Variants in MAP4 observed in about 807,000 individuals in gnomAD.
MAP4 encodes microtubule associated protein 4.
A neutral mutation model predicts 170.2 loss-of-function variants in MAP4; 76 were observed. The observed-to-expected ratio is 0.45, with a 90% CI of 0.37 to 0.54. The LOEUF is 0.54. MAP4 is among the 20% of genes least tolerant of loss of function. The pLI is 0.00. For synonymous variants in MAP4, 909 were observed against 994.5 expected (o/e 0.91, Z 1.62); for missense variants, 2,506 against 2,748.0 (o/e 0.91, Z 1.97).
intron 4 of MAP4, among the ~76,000 whole-genome samples, chr3:47,923,181 G>C (rs1053834508): frequency 6.6e-6 from 1 of 151,906 alleles, no homozygotes; most frequent in Non-Finnish European, 1.5e-5. Flanking sequence ...GCTGGTTCCT[G>C]AGAATCTGCA....
At chr3:47,980,539 T>C (rs2100084881) in intron 2 of MAP4, among the ~76,000 whole-genome samples, 1 of 152,148 alleles carries the variant, frequency 6.6e-6, no homozygotes. Flanking sequence ...TTCATTCTGT[T>C]ACTTAAGAGG....
At chr3:47,899,361 A>G (rs1553772118) in intron 10 of MAP4, among the ~76,000 whole-genome samples, 1 of 152,128 alleles carries the variant, frequency 6.6e-6, no homozygotes, top group Non-Finnish European at 1.5e-5. Context: ...GCTAATCTGG[A>G]ACTCCTAACC....
Position 48,082,964 on chromosome 3 carries a change from C to A in MAP4, c.-20+5809G>T, listed in dbSNP as rs185827071. The stretch of plus-strand genomic sequence containing the variant: ...AGCACCAGAAAACCCAAAATGAGAA[C>A]CATTCTACAAATGCATGACCACTCA... On this transcript the variant is annotated intron_variant, in intron 1 of 18. Transcript: ENST00000360240. 2.4e-3 allele frequency among the ~76,000 whole-genome samples: 368 copies of A among 152,138 alleles called. 2 individuals are homozygous for A. Among genetic ancestry groups the A allele is most frequent in the Middle Eastern group, 6.8e-3 (2 of 294 alleles).
intron 1 of MAP4, among the ~76,000 whole-genome samples, chr3:48,071,359 T>TA (rs964354328): frequency 4.0e-5 from 6 of 151,208 alleles, no homozygotes; most frequent in African/African-American, 1.2e-4. Context: ...CTGGGCAACA[T>TA]AGTGAAACCC....
Position 47,852,856 on chromosome 3 carries a change from T to C in MAP4, c.*78A>G, listed in dbSNP as rs750615626. The C allele has an allele frequency of 5.4e-5, 84 of 1,563,104 alleles. No homozygotes were observed. Among genetic ancestry groups the C allele is most frequent in the Non-Finnish European group, 6.9e-5 (80 of 1,153,936 alleles). On this transcript the variant is annotated 3_prime_UTR_variant, in exon 21 of 21. Transcript: ENST00000683076. ...GCCCGAGTTGGGGCCGCCAGGGAAG[T>C]GTGGGGGGCGGGAGACAATGTCGGC...
chr3:47,968,480 C>T (rs1256939129), intron 3 of MAP4, among the ~76,000 whole-genome samples: 1 of 152,098 alleles, frequency 6.6e-6, no homozygotes, highest in African/African-American at 2.4e-5. Context: ...TTAACACACT[C>T]CTAAATAATC....
At chr3:47,864,222 A>G (rs542848499) in intron 17 of MAP4, among the ~76,000 whole-genome samples, 1 of 152,210 alleles carries the variant, frequency 6.6e-6, no homozygotes, top group Non-Finnish European at 1.5e-5. Flanking sequence ...TCCCAGGGCC[A>G]CTGTACCTGG....
chr3:47,948,487 G>T (rs539972654), intron 3 of MAP4, among the ~76,000 whole-genome samples: 2 of 151,566 alleles, frequency 1.3e-5, no homozygotes, highest in East Asian at 3.9e-4. Context: ...GCCTCCCAAA[G>T]TCTTGGGATT....
In MAP4 at chr3:47,872,194, T is replaced by C. The variant is rs564851119; in HGVS notation, c.5758-94A>G. The C allele has an allele frequency of 3.2e-6, 4 of 1,235,924 alleles. No individual in the cohort carries two copies. In the South Asian group the frequency reaches 5.8e-5, roughly 18 times the overall value. The allele number at this position is 1,235,924 out of a possible 1,614,324, so 76.6% of individuals were successfully genotyped here. ...GCTTCTTTTTTTGTTTGTTTTGTTTTGTTTTTGGAGACGAAGTCTCACTCT... is the reference window on the plus strand; with the variant it reads ...GCTTCTTTTTTTGTTTGTTTTGTTTCGTTTTTGGAGACGAAGTCTCACTCT... On this transcript the variant is annotated intron_variant, in intron 12 of 20. Transcript: ENST00000683076.
intron 3 of MAP4, among the ~76,000 whole-genome samples, chr3:47,955,435 TACACACACACACAC>T (rs3079351): frequency 1.4e-3 from 183 of 135,490 alleles, no homozygotes; most frequent in East Asian, 2.4e-3. Flanking sequence ...AATAAGCACG[TACACACACACACAC>T]ACACACACAC....
chr3:47,955,311 T>C (rs1291456885), intron 3 of MAP4, among the ~76,000 whole-genome samples: 2 of 152,052 alleles, frequency 1.3e-5, no homozygotes, highest in African/African-American at 4.8e-5. Flanking sequence ...AGAAGCACAT[T>C]GCTTTTACCT....
chr3:47,917,646 T>C (rs1348991713), intron 6 of MAP4, among the ~76,000 whole-genome samples: 1 of 151,798 alleles, frequency 6.6e-6, no homozygotes, highest in Admixed American at 6.6e-5. Flanking sequence ...TGCCTACTCT[T>C]TGACAGTCTC....
Position 47,947,950 on chromosome 3 carries a change from T to C in MAP4, c.293-19600A>G, listed in dbSNP as rs189165984. Reference sequence around the variant, plus strand: ...TTTCTACCTTGAAACATGCAATAAATACACAAGTCTATGTCTTTTGTACCC... The same window carrying C: ...TTTCTACCTTGAAACATGCAATAAACACACAAGTCTATGTCTTTTGTACCC... On this transcript the variant is annotated intron_variant, in intron 3 of 20. Transcript: ENST00000683076. Among the ~76,000 whole-genome samples the C allele has an allele frequency of 3.9e-5, 6 of 152,228 alleles. No individual in the cohort carries two copies. The East Asian group carries it at 9.6e-4, about 24-fold the overall frequency.
chr3:48,072,338 C>T (rs977371433), intron 1 of MAP4, among the ~76,000 whole-genome samples: 6 of 151,860 alleles, frequency 4.0e-5, no homozygotes, highest in African/African-American at 1.2e-4. Context: ...GGCAAAACTG[C>T]GTCTCTACAA....
chr3:47,995,437 G>A (rs1278724908), intron 2 of MAP4, among the ~76,000 whole-genome samples: 1 of 151,824 alleles, frequency 6.6e-6, no homozygotes, highest in Non-Finnish European at 1.5e-5. Flanking sequence ...TTTTAGTAGA[G>A]GTATGGTTTC....
intron 1 of MAP4, among the ~76,000 whole-genome samples, chr3:48,057,859 G>T (rs1579658465): frequency 6.6e-6 from 1 of 151,964 alleles, no homozygotes; most frequent in African/African-American, 2.4e-5. Context: ...CTGTATTATT[G>T]TTTCTTACAA....
At chr3:47,948,814 G>T (rs555884739) in intron 3 of MAP4, among the ~76,000 whole-genome samples, 2 of 151,750 alleles carry the variant, frequency 1.3e-5, no homozygotes, top group African/African-American at 2.4e-5. Flanking sequence ...GTAGAGACAG[G>T]GTTTCACCAT....
chr3:48,056,705 G>C (rs1331085654), intron 1 of MAP4, among the ~76,000 whole-genome samples: 75 of 102,462 alleles, frequency 7.3e-4, no homozygotes, highest in South Asian at 1.8e-3. Flanking sequence ...CCCCGTCTGG[G>C]AGGTGAGGGG....
At chr3:47,852,971 G>A in intron 20 of MAP4, 33 bp from the exon 21 acceptor site, 2 of 1,614,104 alleles carry the variant, frequency 1.2e-6, no homozygotes, top group Non-Finnish European at 1.7e-6. Context: ...AAGGGAGAGG[G>A]GAACAGGGGA....
Sources: gnomAD v4.1 joint callset for allele counts (sites outside exome capture counted in the v4.1 genomes callset) on GRCh38, gnomAD v4.1.1 for gene constraint, MANE v1.5 for transcripts, NCBI Gene and HGNC (gene_info 2026-07-23, HGNC 2026-07-21) for gene names.